Variants in ZDHHC14 observed in about 807,000 individuals in gnomAD.
ZDHHC14 encodes the protein palmitoyltransferase ZDHHC14.
ZDHHC14 carries 16 observed loss-of-function variants against 47.7 expected under a neutral mutation model. The ratio of observed to expected loss-of-function variants is 0.34; its 90% CI spans 0.23 to 0.51. The LOEUF (loss-of-function observed/expected upper bound fraction) is 0.51. Ranked by LOEUF, ZDHHC14 falls within the 20% of genes least tolerant of loss-of-function variation. ZDHHC14 has a pLI of 0.97. For missense variants in ZDHHC14, 515 were observed against 662.5 expected, an observed-to-expected ratio of 0.78 and a Z score of 2.44; for synonymous variants, 293 against 278.9, an observed-to-expected ratio of 1.05 and a Z score of -0.50.
chr6:157,435,595 A>C (rs1219048118), intron 1 of ZDHHC14, among the ~76,000 whole-genome samples: 1 of 151,444 alleles, frequency 6.6e-6, no homozygotes, highest in Non-Finnish European at 1.5e-5. Context: ...GCTGGAGTGC[A>C]GTGGTGCAAT....
chr6:157,476,880 AG>A (rs1279238753), intron 1 of ZDHHC14, among the ~76,000 whole-genome samples: 1 of 152,212 alleles, frequency 6.6e-6, no homozygotes, highest in East Asian at 1.9e-4. Flanking sequence ...TCAACAAATT[AG>A]GTGTAGAAGG....
intron 1 of ZDHHC14, among the ~76,000 whole-genome samples, chr6:157,426,817 G>A (rs1349544107): frequency 2.6e-5 from 4 of 152,234 alleles, no homozygotes; most frequent in Non-Finnish European, 2.9e-5. Flanking sequence ...CCGGGAAGCC[G>A]TCTCACCTTT....
intron 1 of ZDHHC14, among the ~76,000 whole-genome samples, chr6:157,487,898 T>C (rs1320824814): frequency 6.6e-6 from 1 of 152,048 alleles, no homozygotes; most frequent in Non-Finnish European, 1.5e-5. Context: ...CCCTTCCAGG[T>C]CTCAGAGGCT....
At position 157,542,748 on chromosome 6, in the gene ZDHHC14, A is replaced by G. The variant is rs766390250; in HGVS notation, c.406+3A>G. On this transcript the variant is annotated splice_donor_region_variant and intron_variant, in intron 2 of 8. Transcript: ENST00000359775. ...CGCCGATCTGGAAAGGCAAATAGGT[A>G]ACACTGAAAGTCTGCCCATGGCCTC... 6.2e-6 allele frequency: 10 copies of G among 1,613,794 alleles called. No homozygotes were observed. In the South Asian group the frequency reaches 9.9e-5, roughly 16 times the overall value.
chr6:157,503,924 A>T (rs1780250714), intron 1 of ZDHHC14, among the ~76,000 whole-genome samples: 1 of 152,202 alleles, frequency 6.6e-6, no homozygotes, highest in Non-Finnish European at 1.5e-5. Flanking sequence ...GTATTATCTT[A>T]TAAAGCAGAA....
At chr6:157,406,860 G>A (rs1777775743) in intron 1 of ZDHHC14, among the ~76,000 whole-genome samples, 2 of 152,150 alleles carry the variant, frequency 1.3e-5, no homozygotes, top group African/African-American at 4.8e-5. Flanking sequence ...TCCTCACTGA[G>A]CTAATTGCCT....
chr6:157,623,445 C>A (rs1442548992), intron 3 of ZDHHC14, among the ~76,000 whole-genome samples: 1 of 152,086 alleles, frequency 6.6e-6, no homozygotes, highest in Non-Finnish European at 1.5e-5. Flanking sequence ...CCTTGCCAGC[C>A]CTGCAGAACT....
chr6:157,607,076 T>A (rs568979941), intron 3 of ZDHHC14, among the ~76,000 whole-genome samples: 15 of 152,310 alleles, frequency 9.8e-5, no homozygotes, highest in Middle Eastern at 3.4e-3. Flanking sequence ...TATATCACGA[T>A]GTCGAAATTA....
rs542503989 is a variant in ZDHHC14 at position 157,611,899 on chromosome 6, C to T, written c.566-16450C>T. Among the ~76,000 whole-genome samples, 8 of 152,210 alleles carry T rather than the reference C, an allele frequency of 5.3e-5. No individual in the cohort carries two copies. In the East Asian group the frequency reaches 1.5e-3, roughly 29 times the overall value. ...TTATACCTGTGTCTTGCTCCTTTTGCCTTCCGGAGTCTCTCTTTCTGCCAG... is the reference window on the plus strand; with the variant it reads ...TTATACCTGTGTCTTGCTCCTTTTGTCTTCCGGAGTCTCTCTTTCTGCCAG... On this transcript the variant is annotated intron_variant, in intron 3 of 8. Coordinates refer to ENST00000359775, the MANE Select transcript of ZDHHC14 (RefSeq NM_024630.3).
rs148346711 is a variant in ZDHHC14, at chr6:157,649,656, A to G, written c.965+2288A>G. On this transcript the variant is annotated intron_variant, in intron 7 of 8. Coordinates refer to ENST00000359775, the MANE Select transcript of ZDHHC14 (RefSeq NM_024630.3). The stretch of plus-strand genomic sequence containing the variant: ...TCTTAAATGGTGCTGTGCCATGCAA[A>G]TAAGGCAGAGAGAGTTCTTGTGTTC... 2.6e-3 allele frequency among the ~76,000 whole-genome samples: 401 copies of G among 152,320 alleles called. 1 individual carries two copies. The highest frequency in any genetic ancestry group is 9.1e-3 in the African/African-American group (378 of 41,588).
chr6:157,567,696 A>T (rs1782954952), intron 2 of ZDHHC14, among the ~76,000 whole-genome samples: 1 of 152,014 alleles, frequency 6.6e-6, no homozygotes, highest in African/African-American at 2.4e-5. Context: ...GTGTGCCTGT[A>T]GTCCCAGCTA....
chr6:157,591,070 G>A (rs1188171752), intron 2 of ZDHHC14, among the ~76,000 whole-genome samples: 1 of 152,188 alleles, frequency 6.6e-6, no homozygotes, highest in Non-Finnish European at 1.5e-5. Context: ...ATTTTACCCA[G>A]TGCCTGTACC....
At chr6:157,421,546 G>C (rs971156770) in intron 1 of ZDHHC14, among the ~76,000 whole-genome samples, 2 of 150,356 alleles carry the variant, frequency 1.3e-5, no homozygotes, top group Non-Finnish European at 3.0e-5. Flanking sequence ...AGTGTACTGT[G>C]CTTTGAGAGC....
At chr6:157,382,938 C>T (rs1376132708) in intron 1 of ZDHHC14, among the ~76,000 whole-genome samples, 2 of 152,128 alleles carry the variant, frequency 1.3e-5, no homozygotes, top group Non-Finnish European at 1.5e-5. Context: ...CCAAAACAAA[C>T]AATTTGGGAA....
In ZDHHC14 at chr6:157,446,478, C is replaced by T. The variant is rs186948829; in HGVS notation, c.245+64212C>T. Among the ~76,000 whole-genome samples, 960 of 152,006 alleles carry T rather than the reference C, an allele frequency of 6.3e-3. 5 individuals carry two copies. Among genetic ancestry groups the T allele is most frequent in the Admixed American group, 0.01 (160 of 15,266 alleles). On this transcript the variant is annotated intron_variant, in intron 1 of 8. Transcript: ENST00000359775. ...AGGCTGGAGTGCAGTGGTTGAATTT[C>T]GGCTCACTGCAACCTCTGCCTCCCA...
intron 1 of ZDHHC14, among the ~76,000 whole-genome samples, chr6:157,432,984 C>T (rs532826629): frequency 6.6e-5 from 10 of 152,374 alleles, no homozygotes; most frequent in South Asian, 4.1e-4. Flanking sequence ...TTTCCTTCTG[C>T]GCTGAAATCC....
chr6:157,455,323 A>G (rs1301440502), intron 1 of ZDHHC14, among the ~76,000 whole-genome samples: 1 of 152,266 alleles, frequency 6.6e-6, no homozygotes, highest in East Asian at 1.9e-4. Context: ...ATCAGTCACC[A>G]TGCCTTAGAG....
chr6:157,506,915 T>TA (rs1780339898), intron 1 of ZDHHC14, among the ~76,000 whole-genome samples: 2 of 148,942 alleles, frequency 1.3e-5, no homozygotes, highest in South Asian at 2.1e-4. Flanking sequence ...ATTTTTTTTT[T>TA]AATTTTGGTT....
chr6:157,589,250 C>T (rs1783816030), intron 2 of ZDHHC14, among the ~76,000 whole-genome samples: 1 of 152,098 alleles, frequency 6.6e-6, no homozygotes, highest in Non-Finnish European at 1.5e-5. Flanking sequence ...ATCAGAAGAA[C>T]AGCAAGGGAG....
Sources: allele counts gnomAD v4.1 joint callset (sites outside exome capture counted in the v4.1 genomes callset), GRCh38; gene constraint gnomAD v4.1.1; transcripts MANE v1.5; gene names NCBI Gene and HGNC (gene_info 2026-07-23, HGNC 2026-07-21).